Variants in ATRNL1 observed in about 807,000 individuals in gnomAD.
ATRNL1 encodes attractin like 1.
A neutral mutation model predicts 182.7 loss-of-function variants in ATRNL1; 95 were observed. The observed-to-expected ratio is 0.52, with a 90% CI of 0.44 to 0.62. ATRNL1 has a LOEUF of 0.62. Ranked by LOEUF, ATRNL1 falls within the 20% of genes least tolerant of loss-of-function variation. ATRNL1 has a pLI of 0.00. For synonymous variants in ATRNL1, 576 were observed against 568.3 expected, an observed-to-expected ratio of 1.01 and a Z score of -0.19; for missense variants, 1,471 against 1,679.5, an observed-to-expected ratio of 0.88 and a Z score of 2.17.
chr10:115,942,048 A>G (rs1451936754), intron 28 of ATRNL1, among the ~76,000 whole-genome samples: 1 of 152,240 alleles, frequency 6.6e-6, no homozygotes, highest in East Asian at 1.9e-4. Flanking sequence ...CTGTAAATTT[A>G]TCAGCTTAGC....
At chr10:115,689,264 A>AT (rs1254383754) in intron 26 of ATRNL1, among the ~76,000 whole-genome samples, 1 of 152,022 alleles carries the variant, frequency 6.6e-6, no homozygotes, top group African/African-American at 2.4e-5. Context: ...TTCTTCTACA[A>AT]TTTTTTTGTG....
intron 20 of ATRNL1, among the ~76,000 whole-genome samples, chr10:115,405,799 G>A (rs1381639127): frequency 6.6e-6 from 1 of 150,748 alleles, no homozygotes; most frequent in African/African-American, 2.4e-5. Context: ...CCAGTAACTC[G>A]TCATTTAACA....
chr10:115,936,950 C>T (rs1555123001), intron 28 of ATRNL1, among the ~76,000 whole-genome samples: 2 of 152,096 alleles, frequency 1.3e-5, no homozygotes, highest in Non-Finnish European at 2.9e-5. Context: ...GTGTTTGTGT[C>T]TCCGAAATCA....
chr10:115,900,921 T>C (rs1952333290), intron 28 of ATRNL1, among the ~76,000 whole-genome samples: 1 of 152,206 alleles, frequency 6.6e-6, no homozygotes, highest in Non-Finnish European at 1.5e-5. Flanking sequence ...ATGTGAATAG[T>C]AGTCAATTTC....
intron 18 of ATRNL1, among the ~76,000 whole-genome samples, chr10:115,320,565 A>G (rs1379546883): frequency 6.6e-6 from 1 of 152,066 alleles, no homozygotes; most frequent in Non-Finnish European, 1.5e-5. Context: ...ACGAGGTCCC[A>G]TATTTCTTGG....
intron 22 of ATRNL1, among the ~76,000 whole-genome samples, chr10:115,465,027 G>A (rs1023043379): frequency 6.6e-6 from 1 of 151,560 alleles, no homozygotes; most frequent in Non-Finnish European, 1.5e-5. Context: ...TTCATTTAAC[G>A]CTCACAAGAG....
intron 23 of ATRNL1, among the ~76,000 whole-genome samples, chr10:115,467,809 C>T (rs1410783075): frequency 1.7e-4 from 26 of 150,552 alleles, no homozygotes; most frequent in Admixed American, 1.4e-3. Flanking sequence ...ATCTGAGAAG[C>T]TGTTCAGATT....
At chr10:115,363,046 T>C (rs1856831221) in intron 19 of ATRNL1, among the ~76,000 whole-genome samples, 1 of 151,556 alleles carries the variant, frequency 6.6e-6, no homozygotes, top group Admixed American at 6.6e-5. Context: ...AGTAATGGGA[T>C]GGCTGGGTCA....
chr10:115,264,877 G>A (rs1554910004), intron 10 of ATRNL1, among the ~76,000 whole-genome samples: 1 of 151,338 alleles, frequency 6.6e-6, no homozygotes, highest in African/African-American at 2.4e-5. Context: ...AGTTTTACTT[G>A]GAATATTTAA....
intron 28 of ATRNL1, among the ~76,000 whole-genome samples, chr10:115,925,661 A>G (rs1338809115): frequency 6.6e-6 from 1 of 152,178 alleles, no homozygotes; most frequent in Non-Finnish European, 1.5e-5. Flanking sequence ...ATCAAAAAAG[A>G]CAAAGAAGGG....
At chr10:115,803,323 A>G (rs1555084828) in intron 27 of ATRNL1, among the ~76,000 whole-genome samples, 1 of 152,130 alleles carries the variant, frequency 6.6e-6, no homozygotes, top group Non-Finnish European at 1.5e-5. Flanking sequence ...TTCCTGAAGG[A>G]TATAATATAT....
rs1554994911 is a variant in ATRNL1, at chr10:115,549,509, A to G, written c.3768A>G (p.Gln1256=). 4.4e-6 allele frequency: 7 copies of G among 1,601,674 alleles called. No individual in the cohort carries two copies. Among genetic ancestry groups the G allele is most frequent in the Admixed American group, 1.7e-5 (1 of 58,822 alleles). The change falls in exon 26 of 29, where the codon CAA becomes CAG. Residue 1256 remains glutamine (Q), a synonymous_variant. Coordinates refer to ENST00000355044, the MANE Select transcript of ATRNL1 (RefSeq NM_207303.4). ...CTGCTGTGGTATGGAAGATCAAACA[A>G]ACTTGTTGGGCTTCTCGACGGAGAG... ...LVAAVVWKIK[Q]TCWASRRREQ...
At chr10:115,099,548 C>A (rs2085108174) in intron 1 of ATRNL1, among the ~76,000 whole-genome samples, 1 of 152,140 alleles carries the variant, frequency 6.6e-6, no homozygotes, top group Non-Finnish European at 1.5e-5. Context: ...TATGTTCCCA[C>A]CAGCAGTGAG....
chr10:115,455,066 T>A (rs182201477), intron 21 of ATRNL1, among the ~76,000 whole-genome samples: 20 of 152,252 alleles, frequency 1.3e-4, no homozygotes, highest in Admixed American at 5.2e-4. Flanking sequence ...GTTAATTTTC[T>A]CCTATACCTA....
intron 27 of ATRNL1, among the ~76,000 whole-genome samples, chr10:115,838,877 ATGAC>A (rs1391528272): frequency 6.6e-6 from 1 of 152,158 alleles, no homozygotes; most frequent in Non-Finnish European, 1.5e-5. Context: ...GTAATCCAGA[ATGAC>A]TTATTCTCTG....
chr10:115,569,439 C>T (rs1236668155), intron 26 of ATRNL1, among the ~76,000 whole-genome samples: 1 of 152,112 alleles, frequency 6.6e-6, no homozygotes, highest in African/African-American at 2.4e-5. Context: ...AGATTACCCT[C>T]TGTAGGGTTT....
At chr10:115,502,254 T>C (rs181866265) in intron 24 of ATRNL1, among the ~76,000 whole-genome samples, 1 of 152,038 alleles carries the variant, frequency 6.6e-6, no homozygotes, top group Non-Finnish European at 1.5e-5. Flanking sequence ...ATAATTTTTA[T>C]ACCAATTAAG....
At chr10:115,261,328 T>C (rs1304503652) in intron 10 of ATRNL1, among the ~76,000 whole-genome samples, 1 of 152,180 alleles carries the variant, frequency 6.6e-6, no homozygotes, top group Non-Finnish European at 1.5e-5. Context: ...TTTATTTAGA[T>C]ACTTTAGGAT....
intron 20 of ATRNL1, among the ~76,000 whole-genome samples, chr10:115,419,993 T>C (rs1845577743): frequency 6.6e-6 from 1 of 152,080 alleles, no homozygotes; most frequent in Non-Finnish European, 1.5e-5. Flanking sequence ...ACATGTAACA[T>C]TGTTTAAGAT....
Sources: allele counts gnomAD v4.1 joint callset (sites outside exome capture counted in the v4.1 genomes callset), GRCh38; gene constraint gnomAD v4.1.1; transcripts MANE v1.5; gene names NCBI Gene and HGNC (gene_info 2026-07-23, HGNC 2026-07-21).